The following NXPH2 variants were observed in gnomAD, a reference collection of about 807,000 sequenced individuals.
NXPH2 encodes neurexophilin 2.
NXPH2 carries 5 observed loss-of-function variants against 19.8 expected under a neutral mutation model. The ratio of observed to expected loss-of-function variants is 0.25; its 90% confidence interval spans 0.13 to 0.53. The LOEUF is 0.53. NXPH2 is among the 20% of genes least tolerant of loss of function. NXPH2 has a pLI of 0.96. For missense variants in NXPH2, 289 were observed against 322.8 expected (o/e 0.90, Z 0.80); for synonymous variants, 154 against 127.4 (o/e 1.21, Z -1.41).
At chr2:138,719,113 C>G (rs1681238656) in intron 1 of NXPH2, among the ~76,000 whole-genome samples, 1 of 151,944 alleles carries the variant, frequency 6.6e-6, no homozygotes, top group Admixed American at 6.6e-5. Context: ...TTAACAAGCT[C>G]CTTTATTAAT....
At chr2:138,727,292 C>T (rs902026648) in intron 1 of NXPH2, among the ~76,000 whole-genome samples, 9 of 152,286 alleles carry the variant, frequency 5.9e-5, no homozygotes, top group East Asian at 3.9e-4. Flanking sequence ...ATAAATATCA[C>T]GGAGCATGGT....
intron 1 of NXPH2, among the ~76,000 whole-genome samples, chr2:138,779,903 C>A (rs1218069116): frequency 6.6e-6 from 1 of 152,186 alleles, no homozygotes; most frequent in Non-Finnish European, 1.5e-5. Flanking sequence ...TATCAATAAA[C>A]CGCTTCCTTC....
At chr2:138,694,180 C>T (rs909153082) in intron 1 of NXPH2, among the ~76,000 whole-genome samples, 4 of 152,152 alleles carry the variant, frequency 2.6e-5, no homozygotes, top group African/African-American at 9.7e-5. Flanking sequence ...ATATTTTCCT[C>T]TAATGCTTCC....
intron 1 of NXPH2, among the ~76,000 whole-genome samples, chr2:138,686,694 C>T (rs1411290999): frequency 2.6e-5 from 4 of 152,126 alleles, no homozygotes; most frequent in Non-Finnish European, 5.9e-5. Flanking sequence ...AATGCTATCC[C>T]TCCCCACTCC....
At chr2:138,713,940 C>T (rs894507185) in intron 1 of NXPH2, among the ~76,000 whole-genome samples, 3 of 148,836 alleles carry the variant, frequency 2.0e-5, no homozygotes, top group Non-Finnish European at 3.0e-5. Flanking sequence ...GCACCACTCA[C>T]AAGTTATGTA....
At position 138,722,419 on chromosome 2, in the gene NXPH2, G is replaced by A. The variant is rs79094954; in HGVS notation, c.52-50754C>T. On this transcript the variant is annotated intron_variant, in intron 1 of 1. Transcript: ENST00000272641. ...TCAAGGAAGTATGTGTGGTTGGAGC[G>A]GAGCCTGGGCAGGGCAGCGTGAAGA... Among the ~76,000 whole-genome samples the A allele has an allele frequency of 2.1e-3, 317 of 152,346 alleles. 1 individual carries two copies. Among genetic ancestry groups the A allele is most frequent in the African/African-American group, 7.4e-3 (308 of 41,584 alleles).
chr2:138,679,865 A>T (rs1291026655), intron 1 of NXPH2, among the ~76,000 whole-genome samples: 1 of 152,184 alleles, frequency 6.6e-6, no homozygotes, highest in African/African-American at 2.4e-5. Context: ...TTTTGCCTAT[A>T]CCTGCAATCA....
rs545659250 is a variant in NXPH2 at position 138,710,355 on chromosome 2, A to G, written c.52-38690T>C. 1.1e-4 allele frequency among the ~76,000 whole-genome samples: 17 copies of G among 152,312 alleles called. No homozygotes were observed. In the South Asian group the frequency reaches 2.5e-3, roughly 22 times the overall value. ...TTCCCACCTTTGGCAATTGTGAATA[A>G]TGCTGTAATGAAGATTGGTATAAAA... On this transcript the variant is annotated intron_variant, in intron 1 of 1. Coordinates refer to ENST00000272641, the MANE Select transcript of NXPH2 (RefSeq NM_007226.3).
intron 1 of NXPH2, among the ~76,000 whole-genome samples, chr2:138,771,076 A>G (rs12691957): frequency 0.34 from 50,951 of 151,998 alleles, 8,631 homozygotes; most frequent in Middle Eastern, 0.43. Flanking sequence ...AAACATTTAT[A>G]ATTATCAAAA....
intron 1 of NXPH2, among the ~76,000 whole-genome samples, chr2:138,731,368 G>T (rs1220974846): frequency 6.6e-6 from 1 of 152,050 alleles, no homozygotes; most frequent in African/African-American, 2.4e-5. Flanking sequence ...TTGTGTACCT[G>T]CTCTTGCCAG....
At chr2:138,737,464 TCCATCTGGGTCCTTC>T (rs1373652479) in intron 1 of NXPH2, among the ~76,000 whole-genome samples, 4 of 152,150 alleles carry the variant, frequency 2.6e-5, no homozygotes, top group African/African-American at 9.7e-5. Context: ...TTCAATTATC[TCCATCTGGGTCCTTC>T]CCACAACAGA....
chr2:138,717,165 A>G (rs1005911094), intron 1 of NXPH2, among the ~76,000 whole-genome samples: 1 of 152,170 alleles, frequency 6.6e-6, no homozygotes, highest in African/African-American at 2.4e-5. Context: ...ACTGATAAGG[A>G]AAAATATGCA....
chr2:138,736,835 A>G lies in NXPH2; in HGVS notation c.51+43356T>C, dbSNP rs968276558. ...GCTGCTTAGAAATTTCTTCTGCCAGATAACCTAAATCATCTCTCAAGTTCG... is the reference window on the plus strand; with the variant it reads ...GCTGCTTAGAAATTTCTTCTGCCAGGTAACCTAAATCATCTCTCAAGTTCG... On this transcript the variant is annotated intron_variant, in intron 1 of 1. Transcript: ENST00000272641. 2.0e-5 allele frequency among the ~76,000 whole-genome samples: 3 copies of G among 152,322 alleles called. No individual in the cohort carries two copies. The East Asian group carries it at 5.8e-4, about 29-fold the overall frequency.
Position 138,670,831 on chromosome 2 carries a change from A to T in NXPH2, c.*91T>A. 1.1e-5 allele frequency: 15 copies of T among 1,375,770 alleles called. No homozygotes were observed. The highest frequency in any genetic ancestry group is 1.4e-5 in the Non-Finnish European group (14 of 1,018,406). The allele number at this position is 1,375,770 out of a possible 1,614,324, so 85.2% of individuals were successfully genotyped here. ...AACTATTGTTCACTGCCAGAAACAAAAGGGATCCTTTATCATAAAGAGCTG... is the reference window on the plus strand; with the variant it reads ...AACTATTGTTCACTGCCAGAAACAATAGGGATCCTTTATCATAAAGAGCTG... On this transcript the variant is annotated 3_prime_UTR_variant, in exon 2 of 2. Coordinates refer to ENST00000272641, the MANE Select transcript of NXPH2 (RefSeq NM_007226.3).
At chr2:138,703,260 A>T (rs1010912544) in intron 1 of NXPH2, among the ~76,000 whole-genome samples, 1 of 152,214 alleles carries the variant, frequency 6.6e-6, no homozygotes, top group Non-Finnish European at 1.5e-5. Context: ...TTCAGAGATC[A>T]TCAGTAAAAT....
intron 1 of NXPH2, among the ~76,000 whole-genome samples, chr2:138,712,531 C>T (rs974719854): frequency 6.6e-6 from 1 of 152,192 alleles, no homozygotes; most frequent in Non-Finnish European, 1.5e-5. Flanking sequence ...TACTAAGGAG[C>T]CTTCAAGTGC....
chr2:138,713,293 T>C lies in NXPH2; in HGVS notation c.52-41628A>G, dbSNP rs577026402. 1.5e-3 allele frequency among the ~76,000 whole-genome samples: 229 copies of C among 152,248 alleles called. 1 individual carries two copies. The highest frequency in any genetic ancestry group is 5.4e-3 in the African/African-American group (224 of 41,550). On this transcript the variant is annotated intron_variant, in intron 1 of 1. Transcript: ENST00000272641. ...GCAGTCACAGGACAGCATGCTGAAT[T>C]TTCTAGGAGGATTTGTTGTTGACCC...
intron 1 of NXPH2, among the ~76,000 whole-genome samples, chr2:138,679,200 C>A (rs958018729): frequency 1.3e-5 from 2 of 152,204 alleles, no homozygotes; most frequent in Admixed American, 6.5e-5. Context: ...TGGGGTTCAA[C>A]TTCCATTTAA....
intron 1 of NXPH2, among the ~76,000 whole-genome samples, chr2:138,713,743 G>C (rs1681145267): frequency 6.6e-6 from 1 of 152,042 alleles, no homozygotes; most frequent in Non-Finnish European, 1.5e-5. Flanking sequence ...AGGACAGCAG[G>C]GACAGAGGGG....
Sources: gnomAD v4.1 joint callset for allele counts (sites outside exome capture counted in the v4.1 genomes callset) on GRCh38, gnomAD v4.1.1 for gene constraint, MANE v1.5 for transcripts, NCBI Gene and HGNC (gene_info 2026-07-23, HGNC 2026-07-21) for gene names.